LY96: variants seen among roughly 807,000 people sequenced by gnomAD.
The protein encoded by LY96 is lymphocyte antigen 96, also known as myeloid differentiation protein-2.
Under a neutral mutation model 18.9 loss-of-function variants are expected in LY96, and 18 were observed. The observed-to-expected ratio is 0.95, with a 90% CI of 0.66 to 1.41. The LOEUF (loss-of-function observed/expected upper bound fraction) is 1.41, where lower values mean the gene tolerates loss of function less well. Among genes scored for constraint, LY96 ranks in the 40% most tolerant of loss-of-function variants. The pLI is 0.00. For missense variants in LY96, 175 were observed against 182.4 expected (o/e 0.96, Z 0.23); for synonymous variants, 66 against 62.6 (o/e 1.06, Z -0.26).
chr8:74,060,112 A>C, the LY96 span, among the ~76,000 whole-genome samples: 2 of 152,142 alleles, frequency 1.3e-5, no homozygotes, highest in Non-Finnish European at 2.9e-5. Flanking sequence ...ATGCCACTGC[A>C]CTCTACCCTG....
At chr8:74,084,137 T>C in the LY96 span, among the ~76,000 whole-genome samples, 6 of 152,298 alleles carry the variant, frequency 3.9e-5, no homozygotes, top group African/African-American at 1.4e-4. Flanking sequence ...GTTTAACCTG[T>C]TCCTCTGTTC....
the LY96 span, among the ~76,000 whole-genome samples, chr8:74,075,224 T>C: frequency 6.6e-6 from 1 of 152,246 alleles, no homozygotes; most frequent in African/African-American, 2.4e-5. Flanking sequence ...GACCCCTTTA[T>C]TATTATATAG....
the LY96 span, chr8:74,056,327 G>A: frequency 5.9e-6 from 2 of 337,292 alleles, no homozygotes; most frequent in Non-Finnish European, 5.7e-6. Flanking sequence ...CTTATGCTCA[G>A]CACCAACAGG....
chr8:74,015,092 A>G lies in LY96; in HGVS notation c.331+4963A>G, dbSNP rs183121914. Among the ~76,000 whole-genome samples, 335 of 152,178 alleles carry G rather than the reference A, an allele frequency of 2.2e-3. 1 individual carries two copies. The highest frequency in any genetic ancestry group is 3.7e-3 in the Non-Finnish European group (250 of 68,014). ...TCTGGTTGTGCATGCCTGTGGTCCC[A>G]GATACTTGAGAGGCTGAGGCGGGAG... On this transcript the variant is annotated intron_variant, in intron 3 of 4. Coordinates refer to ENST00000284818, the MANE Select transcript of LY96 (RefSeq NM_015364.5).
At chr8:74,044,187 TTC>T in the LY96 span, among the ~76,000 whole-genome samples, 6 of 152,070 alleles carry the variant, frequency 3.9e-5, no homozygotes, top group Admixed American at 6.6e-5. Context: ...AAAAAAAATT[TTC>T]TTTTTCTTTT....
the LY96 span, among the ~76,000 whole-genome samples, chr8:74,046,726 A>G: frequency 6.6e-6 from 1 of 152,144 alleles, no homozygotes; most frequent in Non-Finnish European, 1.5e-5. Context: ...TAAATAATGC[A>G]CCCTCTGCTA....
chr8:74,079,349 T>C, the LY96 span, among the ~76,000 whole-genome samples: 1 of 152,198 alleles, frequency 6.6e-6, no homozygotes, highest in Non-Finnish European at 1.5e-5. Flanking sequence ...AAATCTCTTT[T>C]TATATGTCTC....
chr8:74,060,632 A>G, the LY96 span, among the ~76,000 whole-genome samples: 1 of 152,166 alleles, frequency 6.6e-6, no homozygotes. Flanking sequence ...TCCCTCCTTG[A>G]CCCTTGCGTA....
the LY96 span, among the ~76,000 whole-genome samples, chr8:74,086,747 C>T: frequency 6.6e-6 from 1 of 152,192 alleles, no homozygotes; most frequent in South Asian, 2.1e-4. Context: ...CCTTGGGAGG[C>T]ACAGCCCTGC....
chr8:74,010,449 G>A (rs1014764768), intron 3 of LY96, among the ~76,000 whole-genome samples: 1 of 151,210 alleles, frequency 6.6e-6, no homozygotes, highest in Non-Finnish European at 1.5e-5. Flanking sequence ...TCAGAAATTA[G>A]GACCCTTACA....
the LY96 span, among the ~76,000 whole-genome samples, chr8:74,083,681 C>T: frequency 6.6e-6 from 1 of 152,012 alleles, no homozygotes; most frequent in Non-Finnish European, 1.5e-5. Flanking sequence ...GGTTGGGATA[C>T]CACTTAAATC....
intron 1 of LY96, among the ~76,000 whole-genome samples, chr8:74,001,340 C>T (rs535776561): frequency 8.6e-5 from 13 of 151,810 alleles, no homozygotes; most frequent in Non-Finnish European, 1.3e-4. Flanking sequence ...TCTTGTGCCT[C>T]AGCCTCCCGA....
the LY96 span, among the ~76,000 whole-genome samples, chr8:74,046,178 C>A: frequency 1.3e-5 from 2 of 151,916 alleles, 1 homozygote; most frequent in Non-Finnish European, 2.9e-5. Flanking sequence ...ACTTGGGAGG[C>A]TGAGGCACAA....
the LY96 span, among the ~76,000 whole-genome samples, chr8:74,044,816 C>A: frequency 6.6e-6 from 1 of 152,232 alleles, no homozygotes; most frequent in African/African-American, 2.4e-5. Flanking sequence ...GTTTCTGTCT[C>A]ATACATTTCA....
chr8:74,026,976 C>T, intron 4 of LY96, 135 bp downstream of exon 4: 1 of 588,800 alleles, frequency 1.7e-6, no homozygotes, highest in Non-Finnish European at 3.1e-6. Context: ...GTCTGTTACC[C>T]AGGCTGGAGT....
At chr8:74,025,756 C>G (rs577529181) in intron 3 of LY96, among the ~76,000 whole-genome samples, 38 of 152,110 alleles carry the variant, frequency 2.5e-4, no homozygotes, top group Admixed American at 1.4e-3. Flanking sequence ...GCCTGTAATC[C>G]CAGCACTTTG....
the LY96 span, among the ~76,000 whole-genome samples, chr8:74,043,619 A>G: frequency 2.0e-5 from 3 of 152,200 alleles, no homozygotes; most frequent in South Asian, 6.2e-4. Context: ...TTCAGTTGGC[A>G]TATCTACTTA....
the LY96 span, among the ~76,000 whole-genome samples, chr8:74,061,415 T>C: frequency 4.4e-3 from 665 of 152,336 alleles, 10 homozygotes; most frequent in Admixed American, 4.8e-3. Flanking sequence ...CTTTGATCTT[T>C]GACTTCTCAG....
chr8:74,018,680 A>G (rs541075709), intron 3 of LY96, among the ~76,000 whole-genome samples: 1 of 152,132 alleles, frequency 6.6e-6, no homozygotes. Flanking sequence ...GAAGTAAAGC[A>G]CTCCTCAGCA....
Sources: allele counts gnomAD v4.1 joint callset (sites outside exome capture counted in the v4.1 genomes callset), GRCh38; gene constraint gnomAD v4.1.1; transcripts MANE v1.5; gene names NCBI Gene and HGNC (gene_info 2026-07-23, HGNC 2026-07-21).